ADAMTS12: variants seen among roughly 807,000 people sequenced by gnomAD.
ADAMTS12 encodes the protein ADAM metallopeptidase with thrombospondin type 1 motif 12.
A neutral mutation model predicts 167.8 loss-of-function variants in ADAMTS12; 118 were observed. The ratio of observed to expected loss-of-function variants is 0.70; its 90% CI spans 0.61 to 0.82. The LOEUF (loss-of-function observed/expected upper bound fraction) is 0.82. Among genes scored for constraint, ADAMTS12 ranks in the 40% least tolerant of loss-of-function variants. The pLI is 0.00. For synonymous variants in ADAMTS12, 704 were observed against 716.9 expected, an observed-to-expected ratio of 0.98 and a Z score of 0.29; for missense variants, 1,916 against 1,998.8, an observed-to-expected ratio of 0.96 and a Z score of 0.79.
chr5:33,759,864 C>G (rs1267840876), intron 2 of ADAMTS12, among the ~76,000 whole-genome samples: 1 of 152,140 alleles, frequency 6.6e-6, no homozygotes, highest in African/African-American at 2.4e-5. Flanking sequence ...CATTGATAGA[C>G]AGCCATTCAG....
chr5:33,703,815 A>G (rs1289614055), intron 3 of ADAMTS12, among the ~76,000 whole-genome samples: 1 of 152,186 alleles, frequency 6.6e-6, no homozygotes, highest in Non-Finnish European at 1.5e-5. Context: ...ACTAGGCCCA[A>G]GAAACCAACC....
At chr5:33,868,285 G>A (rs754588524) in intron 2 of ADAMTS12, among the ~76,000 whole-genome samples, 1 of 152,202 alleles carries the variant, frequency 6.6e-6, no homozygotes, top group Non-Finnish European at 1.5e-5. Context: ...AACAGGCAGA[G>A]GTTGGAACAG....
intron 20 of ADAMTS12, among the ~76,000 whole-genome samples, chr5:33,559,917 C>G (rs150495773): frequency 2.0e-4 from 31 of 152,194 alleles, no homozygotes; most frequent in African/African-American, 7.5e-4. Context: ...AAGATCAGTG[C>G]AGGGAGTACG....
chr5:33,645,148 TTATTATTATTA>T (rs1561191824), intron 9 of ADAMTS12, among the ~76,000 whole-genome samples: 9 of 7,970 alleles, frequency 1.1e-3, no homozygotes, highest in Non-Finnish European at 9.6e-3. Flanking sequence ...GCTTTATTTA[TTATTATTATTA>T]TTATTATTAT....
chr5:33,604,084 T>C (rs1039108781), intron 16 of ADAMTS12, among the ~76,000 whole-genome samples: 1 of 152,130 alleles, frequency 6.6e-6, no homozygotes, highest in African/African-American at 2.4e-5. Context: ...CCAGTACAGC[T>C]CAGTAACAGA....
chr5:33,725,319 C>G (rs537398267), intron 3 of ADAMTS12, among the ~76,000 whole-genome samples: 1 of 152,282 alleles, frequency 6.6e-6, no homozygotes, highest in South Asian at 2.1e-4. Flanking sequence ...TAGACACAGT[C>G]TCTCTTTCTC....
intron 3 of ADAMTS12, among the ~76,000 whole-genome samples, chr5:33,706,461 C>A (rs753460734): frequency 6.6e-6 from 1 of 152,062 alleles, no homozygotes. Flanking sequence ...TGCCCTTCTT[C>A]GTCTTTTTTG....
chr5:33,815,083 C>T (rs1349216658), intron 2 of ADAMTS12, among the ~76,000 whole-genome samples: 2 of 152,066 alleles, frequency 1.3e-5, no homozygotes, highest in African/African-American at 4.8e-5. Context: ...GAAGAAATAA[C>T]AGCAAGATGG....
At chr5:33,605,201 A>G (rs562526025) in intron 16 of ADAMTS12, among the ~76,000 whole-genome samples, 2 of 152,170 alleles carry the variant, frequency 1.3e-5, no homozygotes, top group Non-Finnish European at 2.9e-5. Context: ...AATGGAATCA[A>G]CCACTGAGCC....
intron 2 of ADAMTS12, among the ~76,000 whole-genome samples, chr5:33,830,908 A>G (rs7705765): frequency 0.12 from 17,617 of 152,184 alleles, 1,368 homozygotes; most frequent in Non-Finnish European, 0.17. Flanking sequence ...AATTTTAAAA[A>G]GAATTCTTTC....
At chr5:33,720,660 T>C (rs1743776857) in intron 3 of ADAMTS12, among the ~76,000 whole-genome samples, 1 of 152,218 alleles carries the variant, frequency 6.6e-6, no homozygotes, top group South Asian at 2.1e-4. Flanking sequence ...TGTGTGCTTA[T>C]TCCATGTGCA....
At chr5:33,568,558 G>C (rs554112527) in intron 19 of ADAMTS12, among the ~76,000 whole-genome samples, 9 of 152,316 alleles carry the variant, frequency 5.9e-5, no homozygotes, top group Non-Finnish European at 1.3e-4. Flanking sequence ...TCAGTTAACT[G>C]TTACAAATCT....
intron 2 of ADAMTS12, among the ~76,000 whole-genome samples, chr5:33,823,069 T>A: frequency 7.2e-6 from 1 of 139,206 alleles, no homozygotes; most frequent in Admixed American, 7.7e-5. Flanking sequence ...CCAACCTGGG[T>A]GACAGAGGAA....
In ADAMTS12 at chr5:33,660,739, C is replaced by T. The variant is rs928710216; in HGVS notation, c.1040+1177G>A. Among the ~76,000 whole-genome samples the T allele has an allele frequency of 3.9e-5, 6 of 152,280 alleles. 1 individual carries two copies. Among genetic ancestry groups the T allele is most frequent in the Admixed American group, 1.3e-4 (2 of 15,294 alleles). ...CCCGTGCTTACATTCCACACCCATG[C>T]TATTTCCCAGGGGACCTATTGATCA... On this transcript the variant is annotated intron_variant, in intron 6 of 23. Coordinates refer to ENST00000504830, the MANE Select transcript of ADAMTS12 (RefSeq NM_030955.4).
At position 33,624,298 on chromosome 5, in the gene ADAMTS12, AC is replaced by A. The variant is rs768155368; in HGVS notation, c.2075del (p.Gly692ValfsTer13). 6 of 1,613,950 alleles carry A rather than the reference AC, an allele frequency of 3.7e-6. No homozygotes were observed. In the South Asian group the frequency reaches 6.6e-5, roughly 18 times the overall value. On this transcript the variant is annotated frameshift_variant, in exon 14 of 24. Coordinates refer to ENST00000504830, the MANE Select transcript of ADAMTS12 (RefSeq NM_030955.4). LOFTEE classifies it high-confidence loss of function. ...IDSNATEDRC[G>X]VCLGDGSSCQ... is the part of the protein sequence containing the mutation. ...AGGAAGAGCCATCTCCCAGGCACACACCGCAGCGATCCTCGGTGGCATTGGA... is the reference window on the plus strand; with the variant it reads ...AGGAAGAGCCATCTCCCAGGCACACACGCAGCGATCCTCGGTGGCATTGGA...
intron 19 of ADAMTS12, among the ~76,000 whole-genome samples, chr5:33,566,921 C>A (rs988355218): frequency 7.9e-5 from 12 of 152,066 alleles, no homozygotes. Context: ...GGATGGTGAC[C>A]CCAGGGCAAA....
At chr5:33,815,420 C>T (rs926600955) in intron 2 of ADAMTS12, among the ~76,000 whole-genome samples, 3 of 152,254 alleles carry the variant, frequency 2.0e-5, no homozygotes, top group Admixed American at 6.5e-5. Flanking sequence ...CTCCCTCTGC[C>T]GTGTGAAGAT....
chr5:33,694,396 T>G (rs1742675810), intron 3 of ADAMTS12, among the ~76,000 whole-genome samples: 1 of 152,218 alleles, frequency 6.6e-6, no homozygotes, highest in Admixed American at 6.5e-5. Flanking sequence ...CTATGCAATT[T>G]GAGTTTTCAT....
At chr5:33,754,659 A>G (rs1308143842) in intron 2 of ADAMTS12, among the ~76,000 whole-genome samples, 1 of 152,122 alleles carries the variant, frequency 6.6e-6, no homozygotes, top group African/African-American at 2.4e-5. Context: ...CCTGGCCAAC[A>G]TGGTGAAACA....
Sources: gnomAD v4.1 joint callset for allele counts (sites outside exome capture counted in the v4.1 genomes callset) on GRCh38, gnomAD v4.1.1 for gene constraint, MANE v1.5 for transcripts, NCBI Gene and HGNC (gene_info 2026-07-23, HGNC 2026-07-21) for gene names.